The following NRG3 variants were observed in gnomAD, a reference collection of about 807,000 sequenced individuals.
NRG3 encodes the protein pro-neuregulin-3, membrane-bound isoform.
In NRG3, 31 loss-of-function variants were observed where a neutral mutation model predicts 66.9. The ratio of observed to expected loss-of-function variants is 0.46; its 90% CI spans 0.35 to 0.63. The LOEUF (loss-of-function observed/expected upper bound fraction) is 0.63, where lower values mean the gene tolerates loss of function less well. NRG3 is among the 20% of genes least tolerant of loss of function. NRG3 has a pLI of 0.00. For missense variants in NRG3, 910 were observed against 878.9 expected (o/e 1.04, Z -0.45); for synonymous variants, 393 against 359.4 (o/e 1.09, Z -1.06).
At chr10:82,895,559 C>T (rs184717757) in intron 4 of NRG3, among the ~76,000 whole-genome samples, 25 of 146,724 alleles carry the variant, frequency 1.7e-4, no homozygotes, top group Non-Finnish European at 2.7e-4. Flanking sequence ...GGCACGATCT[C>T]GGCTCACTGC....
At chr10:82,029,119 G>A (rs939428099) in intron 1 of NRG3, among the ~76,000 whole-genome samples, 1 of 152,072 alleles carries the variant, frequency 6.6e-6, no homozygotes, top group Non-Finnish European at 1.5e-5. Flanking sequence ...TGAGGCAGGA[G>A]AATTGCTTTA....
At chr10:81,940,844 T>C (rs1848346168) in intron 1 of NRG3, among the ~76,000 whole-genome samples, 1 of 152,088 alleles carries the variant, frequency 6.6e-6, no homozygotes, top group Admixed American at 6.6e-5. Context: ...AATCTAATAT[T>C]TTTAAGGTAC....
At chr10:82,209,345 ACT>A (rs66897277) in intron 1 of NRG3, among the ~76,000 whole-genome samples, 172 of 151,762 alleles carry the variant, frequency 1.1e-3, no homozygotes, top group African/African-American at 3.8e-3. Flanking sequence ...TACATATTAC[ACT>A]CTCTCTCTCA....
chr10:82,825,546 G>A (rs1309083979), intron 3 of NRG3, among the ~76,000 whole-genome samples: 1 of 152,132 alleles, frequency 6.6e-6, no homozygotes, highest in South Asian at 2.1e-4. Context: ...GGGTTCTGAC[G>A]GCTGGCATCC....
Position 82,738,633 on chromosome 10 carries a change from C to G in NRG3, c.1010C>G (p.Ser337Cys). The change falls in exon 3 of 9, where the codon TCC (serine) becomes TGC (cysteine). Residue 337 changes from serine to cysteine, a missense_variant. Physicochemically the swap from Ser to Cys is moderately radical, Grantham distance 112. Coordinates refer to ENST00000372141, the MANE Select transcript of NRG3 (RefSeq NM_001010848.4). ...RCDQFLPKTD[S>C]ILSDPTDHLG... ...GATCAATTTCTGCCGAAAACTGATT[C>G]CATCTTATCGGATCCAAGTAGGTCA... 1 of 1,614,116 alleles carries G rather than the reference C, an allele frequency of 6.2e-7. No homozygotes were observed.
intron 3 of NRG3, among the ~76,000 whole-genome samples, chr10:82,829,842 C>G (rs1418209684): frequency 6.6e-6 from 1 of 152,094 alleles, no homozygotes; most frequent in Admixed American, 6.6e-5. Flanking sequence ...GCTAATCAAA[C>G]CTATATTTTG....
chr10:82,529,363 G>A (rs1847037072), intron 2 of NRG3, among the ~76,000 whole-genome samples: 3 of 152,194 alleles, frequency 2.0e-5, no homozygotes, highest in African/African-American at 4.8e-5. Flanking sequence ...AGGAGTTAGA[G>A]TAATACATGG....
At position 81,875,926 on chromosome 10, in the gene NRG3, A is replaced by T. The variant is rs1841587560; in HGVS notation, c.586A>T (p.Thr196Ser). Residue 196 changes from threonine to serine, a missense_variant, in exon 1 of 9, where the codon ACC (threonine) becomes TCC (serine). Thr to Ser is a moderately conservative substitution (Grantham distance 58). Transcript: ENST00000372141. The surrounding 1 kb of genome is among the most constrained non-coding windows in gnomAD (Gnocchi z 5.3). ...TGCGGCCCCTGCGACGGTCCCGTCC[A>T]CCACGGCCCCGTTCTTCAGTAGCAG... ...NTAAPATVPS[T>S]TAPFFSSSTL... The T allele has an allele frequency of 6.2e-7, 1 of 1,613,398 alleles. No individual in the cohort carries two copies. Among genetic ancestry groups the T allele is most frequent in the African/African-American group, 1.3e-5 (1 of 74,924 alleles).
rs571248223 is a variant in NRG3, at chr10:82,728,761, C to A, written c.954-9816C>A. Among the ~76,000 whole-genome samples, 3 of 152,208 alleles carry A rather than the reference C, an allele frequency of 2.0e-5. No homozygotes were observed. The South Asian group carries it at 6.2e-4, about 32-fold the overall frequency. On this transcript the variant is annotated intron_variant, in intron 2 of 8. Coordinates refer to ENST00000372141, the MANE Select transcript of NRG3 (RefSeq NM_001010848.4). ...GATTGGCTAATTTCTCAATTTTGAT[C>A]ATATCATAAATCAGAACAATAAAGA...
intron 2 of NRG3, among the ~76,000 whole-genome samples, chr10:82,640,951 T>C (rs2050529228): frequency 6.6e-6 from 1 of 152,076 alleles, no homozygotes; most frequent in African/African-American, 2.4e-5. Context: ...GTAATTTTGT[T>C]TCTCATAATA....
chr10:82,826,477 C>T (rs1232334649), intron 3 of NRG3, among the ~76,000 whole-genome samples: 1 of 152,126 alleles, frequency 6.6e-6, no homozygotes, highest in East Asian at 1.9e-4. Flanking sequence ...AGTGTGACAA[C>T]ACCTGGGTGT....
At chr10:82,484,264 G>T (rs1326054354) in intron 2 of NRG3, among the ~76,000 whole-genome samples, 1 of 152,150 alleles carries the variant, frequency 6.6e-6, no homozygotes, top group East Asian at 1.9e-4. Context: ...TTAAGTTTCA[G>T]AATTAATCTA....
At chr10:82,734,100 A>G (rs1391038424) in intron 2 of NRG3, among the ~76,000 whole-genome samples, 1 of 152,202 alleles carries the variant, frequency 6.6e-6, no homozygotes, top group Non-Finnish European at 1.5e-5. Flanking sequence ...CAAAACAAGT[A>G]TTGAATTTCA....
intron 4 of NRG3, among the ~76,000 whole-genome samples, chr10:82,875,476 A>T (rs1182743): frequency 0.74 from 113,051 of 152,012 alleles, 42,554 homozygotes; most frequent in African/African-American, 0.87. Flanking sequence ...TCCCATTTTA[A>T]CCTCCCCTGT....
chr10:82,010,792 T>C (rs2061545018), intron 1 of NRG3, among the ~76,000 whole-genome samples: 1 of 152,144 alleles, frequency 6.6e-6, no homozygotes, highest in Admixed American at 6.5e-5. Context: ...ACTCAGGAAG[T>C]ATTCTGGAAG....
At chr10:82,549,394 G>C (rs2044152385) in intron 2 of NRG3, among the ~76,000 whole-genome samples, 1 of 152,172 alleles carries the variant, frequency 6.6e-6, no homozygotes, top group Non-Finnish European at 1.5e-5. Flanking sequence ...CAGACAATGG[G>C]TGAGACACGA....
At chr10:82,752,914 C>G (rs2058930879) in intron 3 of NRG3, among the ~76,000 whole-genome samples, 1 of 152,152 alleles carries the variant, frequency 6.6e-6, no homozygotes, top group South Asian at 2.1e-4. Flanking sequence ...TTTGTTACAG[C>G]AATCCAAAGG....
At chr10:81,999,655 C>A (rs919650097) in intron 1 of NRG3, among the ~76,000 whole-genome samples, 15 of 152,194 alleles carry the variant, frequency 9.9e-5, no homozygotes, top group South Asian at 8.3e-4. Context: ...TTCATATGTG[C>A]TCATAAGAAA....
rs55670416 is a variant in NRG3, at chr10:81,935,876, AACACACACAC to A, written c.823+59753_823+59762del. Among the ~76,000 whole-genome samples the A allele has an allele frequency of 6.6e-3, 878 of 132,508 alleles. 9 individuals are homozygous for A. Among genetic ancestry groups the A allele is most frequent in the Middle Eastern group, 0.02 (5 of 256 alleles). 86.9% of individuals were successfully genotyped at this position (132,508 alleles called of 152,430 possible). On this transcript the variant is annotated intron_variant, in intron 1 of 8. Transcript: ENST00000372141. ...TTTTCATTATACTTTTCAGTGCCTG[AACACACACAC>A]ACACACACACACACACACACACACA...
Sources: gnomAD v4.1 joint callset for allele counts (sites outside exome capture counted in the v4.1 genomes callset) on GRCh38, gnomAD v4.1.1 for gene constraint, Gnocchi (gnomAD v3.1) non-coding constraint, MANE v1.5 for transcripts, NCBI Gene and HGNC (gene_info 2026-07-23, HGNC 2026-07-21) for gene names.